Variants in CTNNA3 observed in about 807,000 individuals in gnomAD.
The protein encoded by CTNNA3 is catenin alpha-3.
Under a neutral mutation model 95.7 loss-of-function variants are expected in CTNNA3, and 76 were observed. That is an observed-to-expected ratio of 0.79 (90% confidence interval 0.66 to 0.96). The LOEUF (loss-of-function observed/expected upper bound fraction) is 0.96. CTNNA3 is among the 40% of genes least tolerant of loss of function. The pLI, the probability that CTNNA3 is intolerant of heterozygous loss-of-function variation, is 0.00. For missense variants in CTNNA3, 1,191 were observed against 1,089.8 expected, an observed-to-expected ratio of 1.09 and a Z score of -1.31; for synonymous variants, 431 against 374.4, an observed-to-expected ratio of 1.15 and a Z score of -1.74.
chr10:66,043,134 G>GAAAAA (rs60278132), intron 15 of CTNNA3, among the ~76,000 whole-genome samples: 1 of 102,932 alleles, frequency 9.7e-6, no homozygotes, highest in African/African-American at 3.8e-5. Context: ...TCCGGGTAAT[G>GAAAAA]AAAAAAAAAA....
At chr10:66,025,695 G>T (rs556762424) in intron 15 of CTNNA3, among the ~76,000 whole-genome samples, 1 of 152,012 alleles carries the variant, frequency 6.6e-6, no homozygotes, top group African/African-American at 2.4e-5. Flanking sequence ...ATGTAAAATG[G>T]AGTACATTTT....
chr10:66,739,613 A>T (rs1216871511), intron 9 of CTNNA3, among the ~76,000 whole-genome samples: 2 of 152,298 alleles, frequency 1.3e-5, no homozygotes, highest in South Asian at 2.1e-4. Flanking sequence ...TTATATATAG[A>T]TAGCTATTTA....
rs1210272408 is a variant in CTNNA3 at position 67,375,275 on chromosome 10, G to A, written c.579+146567C>T. On this transcript the variant is annotated intron_variant, in intron 5 of 17. Transcript: ENST00000433211. Reference sequence around the variant, plus strand: ...TTCAGCAATATCTGGATAAATTATTGGGTATCACAATGAGTCAAGGTCAGG... The same window carrying A: ...TTCAGCAATATCTGGATAAATTATTAGGTATCACAATGAGTCAAGGTCAGG... 2.6e-5 allele frequency among the ~76,000 whole-genome samples: 4 copies of A among 152,068 alleles called. No individual in the cohort carries two copies. The East Asian group carries it at 7.7e-4, about 29-fold the overall frequency.
chr10:67,461,519 GAC>G (rs1246978837), intron 5 of CTNNA3, among the ~76,000 whole-genome samples: 1 of 152,016 alleles, frequency 6.6e-6, no homozygotes, highest in Non-Finnish European at 1.5e-5. Flanking sequence ...TTATTTATAT[GAC>G]CACACTTAGG....
chr10:66,578,792 T>G (rs761963547), intron 10 of CTNNA3, among the ~76,000 whole-genome samples: 3,892 of 151,300 alleles, frequency 0.026, 88 homozygotes, highest in South Asian at 0.056. Flanking sequence ...TTCTTTTTTT[T>G]TTTTTGTTTG....
chr10:67,226,745 T>C (rs1864936237), intron 5 of CTNNA3, among the ~76,000 whole-genome samples: 1 of 152,024 alleles, frequency 6.6e-6, no homozygotes. Context: ...TTGAAACAAA[T>C]CCTAGAAACA....
At chr10:66,970,350 A>G (rs1024486702) in intron 7 of CTNNA3, among the ~76,000 whole-genome samples, 1 of 152,098 alleles carries the variant, frequency 6.6e-6, no homozygotes, top group African/African-American at 2.4e-5. Flanking sequence ...TCATCCATAT[A>G]TTACCTGCAT....
intron 7 of CTNNA3, among the ~76,000 whole-genome samples, chr10:67,122,762 C>G (rs74725616): frequency 0.015 from 2,308 of 152,024 alleles, 74 homozygotes; most frequent in African/African-American, 0.053. Flanking sequence ...ACTCCCTTGC[C>G]TGAAAGGGAA....
chr10:67,307,342 G>A (rs10740275), intron 5 of CTNNA3, among the ~76,000 whole-genome samples: 3 of 151,904 alleles, frequency 2.0e-5, no homozygotes, highest in South Asian at 2.1e-4. Flanking sequence ...CAAATTATAC[G>A]GGCAGTAATG....
intron 10 of CTNNA3, among the ~76,000 whole-genome samples, chr10:66,562,378 C>G (rs141238687): frequency 1.4e-3 from 216 of 152,192 alleles, no homozygotes; most frequent in African/African-American, 5.1e-3. Flanking sequence ...GGCTGATGTT[C>G]ACACACCTAA....
chr10:67,279,542 A>ATCCATTGAAAG (rs1554817338), intron 5 of CTNNA3, among the ~76,000 whole-genome samples: 67 of 151,264 alleles, frequency 4.4e-4, no homozygotes, highest in South Asian at 1.7e-3. Context: ...ATAGGGTAAT[A>ATCCATTGAAAG]GTCAATTAGG....
At chr10:67,749,459 A>G (rs1202092229) in intron 1 of CTNNA3, among the ~76,000 whole-genome samples, 1 of 152,226 alleles carries the variant, frequency 6.6e-6, no homozygotes. Flanking sequence ...CATAACAAAC[A>G]GTCTCTCAGA....
At chr10:66,799,233 G>A (rs1841333694) in intron 7 of CTNNA3, among the ~76,000 whole-genome samples, 1 of 151,522 alleles carries the variant, frequency 6.6e-6, no homozygotes, top group South Asian at 2.1e-4. Flanking sequence ...ATGTAAAGGA[G>A]TATAAAAGTG....
chr10:67,317,667 C>T (rs1841116086), intron 5 of CTNNA3, among the ~76,000 whole-genome samples: 1 of 152,064 alleles, frequency 6.6e-6, no homozygotes, highest in Non-Finnish European at 1.5e-5. Flanking sequence ...CCTCCTGATC[C>T]ACCTGACTCG....
At chr10:66,689,704 A>G (rs945649795) in intron 9 of CTNNA3, among the ~76,000 whole-genome samples, 7 of 152,202 alleles carry the variant, frequency 4.6e-5, no homozygotes, top group African/African-American at 1.4e-4. Flanking sequence ...GAGTCCAATA[A>G]TCTTCTAAAT....
At chr10:66,482,298 T>A (rs1003280617) in intron 11 of CTNNA3, among the ~76,000 whole-genome samples, 2 of 152,196 alleles carry the variant, frequency 1.3e-5, no homozygotes, top group Non-Finnish European at 2.9e-5. Context: ...TTAACTGTTT[T>A]GTTTTCTAAA....
intron 2 of CTNNA3, among the ~76,000 whole-genome samples, chr10:67,608,880 C>T (rs74352146): frequency 3.3e-5 from 5 of 151,954 alleles, no homozygotes; most frequent in South Asian, 2.1e-4. Flanking sequence ...CACCTGAGGT[C>T]GGGAGTTCAA....
At chr10:67,530,293 A>G (rs190488684) in intron 4 of CTNNA3, among the ~76,000 whole-genome samples, 238 of 152,348 alleles carry the variant, frequency 1.6e-3, no homozygotes, top group African/African-American at 5.4e-3. Context: ...AGACATGAAA[A>G]TGTGGGAAGG....
chr10:66,586,418 C>G (rs1235460146), intron 10 of CTNNA3, among the ~76,000 whole-genome samples: 1 of 152,056 alleles, frequency 6.6e-6, no homozygotes, highest in African/African-American at 2.4e-5. Flanking sequence ...AGCTCTCCTT[C>G]CAGGCAAAGC....
Sources: gnomAD v4.1 joint callset for allele counts (sites outside exome capture counted in the v4.1 genomes callset) on GRCh38, gnomAD v4.1.1 for gene constraint, MANE v1.5 for transcripts, NCBI Gene and HGNC (gene_info 2026-07-23, HGNC 2026-07-21) for gene names.